Variants in SIK2 observed in about 807,000 individuals in gnomAD.
The protein encoded by SIK2 is serine/threonine-protein kinase SIK2.
Under a neutral mutation model 103.2 loss-of-function variants are expected in SIK2, and 29 were observed. The observed-to-expected ratio is 0.28, with a 90% CI of 0.21 to 0.38. The LOEUF is 0.38. SIK2 is among the 10% of genes least tolerant of loss of function. SIK2 has a pLI of 1.00. For synonymous variants in SIK2, 412 were observed against 446.1 expected, an observed-to-expected ratio of 0.92 and a Z score of 0.96; for missense variants, 879 against 1,171.0, an observed-to-expected ratio of 0.75 and a Z score of 3.64.
At chr11:111,655,560 G>T (rs1018878953) in intron 3 of SIK2, among the ~76,000 whole-genome samples, 1 of 152,172 alleles carries the variant, frequency 6.6e-6, no homozygotes, top group Non-Finnish European at 1.5e-5. Flanking sequence ...GGGATAATCT[G>T]CTGTATTTTG....
At chr11:111,645,156 A>G (rs1373473633) in intron 3 of SIK2, among the ~76,000 whole-genome samples, 3 of 152,260 alleles carry the variant, frequency 2.0e-5, no homozygotes, top group South Asian at 2.1e-4. Context: ...GTACTCTTAC[A>G]TACTACTGGT....
intron 3 of SIK2, chr11:111,672,254 A>T (rs1367581961): frequency 2.0e-5 from 7 of 357,934 alleles, no homozygotes; most frequent in Non-Finnish European, 3.1e-5. Context: ...GCTGGCACTT[A>T]GGCCACCCAG....
intron 10 of SIK2, 115 bp downstream of exon 10, chr11:111,720,118 C>T (rs1943757870): frequency 9.8e-7 from 1 of 1,019,766 alleles, no homozygotes; most frequent in African/African-American, 1.6e-5. Context: ...TAGCTTATTC[C>T]TTTATGGATT....
At chr11:111,693,062 A>G (rs1001717744) in intron 4 of SIK2, among the ~76,000 whole-genome samples, 6 of 152,134 alleles carry the variant, frequency 3.9e-5, no homozygotes, top group African/African-American at 7.2e-5. Flanking sequence ...GGCCGGGCGC[A>G]GTGGCTCACG....
At chr11:111,671,677 G>A (rs1942629966) in intron 3 of SIK2, 1 of 379,134 alleles carries the variant, frequency 2.6e-6, no homozygotes, top group Non-Finnish European at 5.1e-6. Flanking sequence ...CAAGATCTGG[G>A]ACAGCAGCTC....
intron 3 of SIK2, among the ~76,000 whole-genome samples, chr11:111,624,645 A>G (rs1214976956): frequency 2.0e-5 from 3 of 152,264 alleles, no homozygotes; most frequent in Non-Finnish European, 2.9e-5. Context: ...AATGAAGAAA[A>G]TAGACAAAAA....
chr11:111,622,319 G>A (rs1358941119), intron 3 of SIK2, among the ~76,000 whole-genome samples: 4 of 121,932 alleles, frequency 3.3e-5, no homozygotes, highest in African/African-American at 6.3e-5. Context: ...GCAGTGGCAC[G>A]ATCTCAGCTC....
chr11:111,711,182 G>A lies in SIK2; in HGVS notation c.1102-1029G>A, dbSNP rs184542398. The stretch of plus-strand genomic sequence containing the variant: ...TGCCCAGGCTGGAGTGCAGTGGCGG[G>A]ATCTTGGCTCACTGCAAGCTCCGCC... On this transcript the variant is annotated intron_variant, in intron 8 of 14. Coordinates refer to ENST00000304987, the MANE Select transcript of SIK2 (RefSeq NM_015191.3). Among the ~76,000 whole-genome samples the A allele has an allele frequency of 4.4e-3, 671 of 151,788 alleles. 1 individual carries two copies. The highest frequency in any genetic ancestry group is 0.017 in the Middle Eastern group (5 of 294).
intron 3 of SIK2, among the ~76,000 whole-genome samples, chr11:111,662,378 AAGCG>A (rs1236889839): frequency 1.3e-5 from 2 of 152,192 alleles, no homozygotes; most frequent in Admixed American, 1.3e-4. Flanking sequence ...TTCACATCCT[AAGCG>A]AGGGAAAAAA....
chr11:111,608,146 C>T (rs2135828788), intron 1 of SIK2, among the ~76,000 whole-genome samples: 1 of 152,220 alleles, frequency 6.6e-6, no homozygotes, highest in Middle Eastern at 3.4e-3. Flanking sequence ...TTTCTTTATT[C>T]AGAACATTGG....
intron 3 of SIK2, among the ~76,000 whole-genome samples, chr11:111,654,374 C>A (rs1295490575): frequency 6.6e-6 from 1 of 152,068 alleles, no homozygotes; most frequent in Non-Finnish European, 1.5e-5. Flanking sequence ...GATTTTTAAT[C>A]TTTGGAATGT....
At chr11:111,603,930 G>A (rs1306092185) in intron 1 of SIK2, among the ~76,000 whole-genome samples, 3 of 152,222 alleles carry the variant, frequency 2.0e-5, no homozygotes, top group Non-Finnish European at 2.9e-5. Flanking sequence ...GATTTTTGGA[G>A]TTGCAGTTGT....
intron 9 of SIK2, among the ~76,000 whole-genome samples, chr11:111,719,326 G>GA (rs1460334915): frequency 1.2e-4 from 17 of 137,434 alleles, no homozygotes; most frequent in Admixed American, 1.2e-3. Context: ...GTTTATGGTT[G>GA]AAAAAATAGA....
rs781701512 is a variant in SIK2, at chr11:111,712,259, C to G, written c.1150C>G (p.Leu384Val). The change falls in exon 9 of 15, where the codon CTG (leucine) becomes GTG (valine). Residue 384 changes from leucine (L) to valine (V), a missense_variant. By Grantham distance (32) the Leu-to-Val change is conservative (BLOSUM62 1). This residue lies in a region of SIK2 where 222 missense variants were observed against 258.0 expected (regional missense o/e 0.86). Transcript: ENST00000304987. ...PVTMHSPNMR[L>V]LRSALLPQAS... ...GACCATGCATTCACCGAACATGAGGCTGCTGCGATCTGCCCTCCTCCCCCA... is the reference window on the plus strand; with the variant it reads ...GACCATGCATTCACCGAACATGAGGGTGCTGCGATCTGCCCTCCTCCCCCA... 3 of 1,614,062 alleles carry G rather than the reference C, an allele frequency of 1.9e-6. No individual in the cohort carries two copies. Among genetic ancestry groups the G allele is most frequent in the African/African-American group, 2.7e-5 (2 of 74,908 alleles).
In SIK2 at chr11:111,727,083, C is replaced by A; in HGVS notation, c.*2954C>A. 1 of 1,595,588 alleles carries A rather than the reference C, an allele frequency of 6.3e-7. No individual in the cohort carries two copies. The highest frequency in any genetic ancestry group is 8.6e-7 in the Non-Finnish European group (1 of 1,163,848). On this transcript the variant is annotated 3_prime_UTR_variant, in exon 15 of 15. Transcript: ENST00000304987. ...CTGTAAGGCAAACAGCATGTTAGCC[C>A]GACAGGAAGAGGGGGCCCACTTTCA... is the stretch of plus-strand genomic sequence containing the variant.
chr11:111,715,305 G>A (rs999124904), intron 9 of SIK2, among the ~76,000 whole-genome samples: 2 of 152,064 alleles, frequency 1.3e-5, no homozygotes, highest in African/African-American at 4.8e-5. Context: ...CCATAAATAA[G>A]TGCACACACA....
rs1386489625 is a variant in SIK2 at position 111,688,877 on chromosome 11, C to A, written c.478+715C>A. Among the ~76,000 whole-genome samples the A allele has an allele frequency of 6.6e-6, 1 of 152,170 alleles. No individual in the cohort carries two copies. Among genetic ancestry groups the A allele is most frequent in the Non-Finnish European group, 1.5e-5 (1 of 68,026 alleles). On this transcript the variant is annotated intron_variant, in intron 4 of 14. Coordinates refer to ENST00000304987, the MANE Select transcript of SIK2 (RefSeq NM_015191.3). The surrounding 1 kb of genome is among the most constrained non-coding windows in gnomAD (Gnocchi z 4.2). Reference sequence around the variant, plus strand: ...ATAGCATGTACACCTTGAATATACACAATTTTTGTCAATTACATTTTAATA... The same window carrying A: ...ATAGCATGTACACCTTGAATATACAAAATTTTTGTCAATTACATTTTAATA...
In SIK2 at chr11:111,723,918, C is replaced by T; in HGVS notation, c.2570C>T (p.Pro857Leu). ...QTCELPSAAS[P>L]APDYPTPCQY... The stretch of plus-strand genomic sequence containing the variant: ...TGTGAGCTGCCAAGCGCTGCTTCCC[C>T]TGCGCCAGACTATCCCACTCCCTGT... Residue 857 changes from proline (P) to leucine (L), a missense_variant, in exon 15 of 15, where the codon CCT (proline) becomes CTT (leucine). Physicochemically the swap from Pro to Leu is moderately conservative, Grantham distance 98. Around this residue, in one of 7 missense-constraint regions of SIK2, gnomAD observed 375 missense variants for 416.3 expected, o/e 0.90. Transcript: ENST00000304987. 1 of 1,613,830 alleles carries T rather than the reference C, an allele frequency of 6.2e-7. No homozygotes were observed. The highest frequency in any genetic ancestry group is 1.7e-5 in the Admixed American group (1 of 59,980).
chr11:111,715,617 T>C (rs1215901741), intron 9 of SIK2, among the ~76,000 whole-genome samples: 1 of 152,116 alleles, frequency 6.6e-6, no homozygotes, highest in Admixed American at 6.5e-5. Flanking sequence ...TGCCCAACTC[T>C]AGATAAGAAT....
Sources: allele counts gnomAD v4.1 joint callset (sites outside exome capture counted in the v4.1 genomes callset), GRCh38; gene constraint gnomAD v4.1.1; regional missense constraint gnomAD v4.1.1; non-coding constraint Gnocchi (gnomAD v3.1); transcripts MANE v1.5; gene names NCBI Gene and HGNC (gene_info 2026-07-23, HGNC 2026-07-21).